The following CENPP variants were observed in gnomAD, a reference collection of about 807,000 sequenced individuals.
CENPP encodes centromere protein P.
CENPP carries 24 observed loss-of-function variants against 35.6 expected under a neutral mutation model. The ratio of observed to expected loss-of-function variants is 0.67; its 90% CI spans 0.49 to 0.95. The LOEUF (loss-of-function observed/expected upper bound fraction) is 0.95, where lower values mean the gene tolerates loss of function less well. CENPP is among the 40% of genes least tolerant of loss of function. CENPP has a pLI of 0.00. For missense variants in CENPP, 332 were observed against 345.3 expected (o/e 0.96, Z 0.31); for synonymous variants, 120 against 125.5 (o/e 0.96, Z 0.29).
chr9:92,577,070 A>G (rs1159579570), intron 5 of CENPP, among the ~76,000 whole-genome samples: 2 of 152,250 alleles, frequency 1.3e-5, no homozygotes, highest in Admixed American at 1.3e-4. Context: ...TTATTAGGAT[A>G]TGGAACAATA....
At position 92,619,297 on chromosome 9, in the gene CENPP, T is replaced by G. The variant is rs984563389; in HGVS notation, c.*6148T>G. The G allele has an allele frequency of 3.5e-6, 2 of 571,552 alleles. No homozygotes were observed. Among genetic ancestry groups the G allele is most frequent in the African/African-American group, 3.7e-5 (2 of 53,596 alleles). 35.4% of individuals were successfully genotyped at this position (571,552 alleles called of 1,614,324 possible). A position where few individuals can be genotyped will look rare whatever the true frequency, so the allele number is the denominator to read the frequency against. Reference sequence around the variant, plus strand: ...AGTTATTCTCCATAAATCTGTCTTTTGACTGAATTACAAGCTTCTAGAGGG... The same window carrying G: ...AGTTATTCTCCATAAATCTGTCTTTGGACTGAATTACAAGCTTCTAGAGGG... On this transcript the variant is annotated 3_prime_UTR_variant, in exon 8 of 8. Coordinates refer to ENST00000375587, the MANE Select transcript of CENPP (RefSeq NM_001012267.3).
intron 5 of CENPP, among the ~76,000 whole-genome samples, chr9:92,463,668 C>T (rs1329206850): frequency 1.3e-5 from 2 of 152,126 alleles, no homozygotes; most frequent in Admixed American, 1.3e-4. Flanking sequence ...ATGTTATCTT[C>T]CAGCAGATGA....
rs113422587 is a variant in CENPP, at chr9:92,362,623, A to C, written c.467+16836A>C. 4.6e-5 allele frequency among the ~76,000 whole-genome samples: 7 copies of C among 152,304 alleles called. No homozygotes were observed. In the South Asian group the frequency reaches 1.2e-3, roughly 27 times the overall value. On this transcript the variant is annotated intron_variant, in intron 4 of 7. Coordinates refer to ENST00000375587, the MANE Select transcript of CENPP (RefSeq NM_001012267.3). ...ACTAATTTTTTCTCCTTTGGCTCCA[A>C]TATGCAATCTGTGGGGACAGACTTG...
At chr9:92,545,493 G>A (rs1849415150) in intron 5 of CENPP, among the ~76,000 whole-genome samples, 1 of 152,050 alleles carries the variant, frequency 6.6e-6, no homozygotes, top group Admixed American at 6.5e-5. Flanking sequence ...CCGCGGGGCA[G>A]GGCTCCGGAC....
intron 5 of CENPP, among the ~76,000 whole-genome samples, chr9:92,388,922 G>A (rs925835031): frequency 9.2e-5 from 14 of 151,742 alleles, no homozygotes; most frequent in African/African-American, 3.4e-4. Context: ...CATCAGATGA[G>A]CTCTGATGTA....
intron 3 of CENPP, among the ~76,000 whole-genome samples, chr9:92,339,149 C>T (rs1258605195): frequency 1.3e-5 from 2 of 152,186 alleles, no homozygotes; most frequent in African/African-American, 2.4e-5. Context: ...GGCCTCAGCT[C>T]ATCAGATATC....
At chr9:92,564,216 A>G (rs1434604846) in intron 5 of CENPP, among the ~76,000 whole-genome samples, 4 of 151,956 alleles carry the variant, frequency 2.6e-5, no homozygotes, top group African/African-American at 9.7e-5. Context: ...GAGATACCCC[A>G]TCTCTACTAA....
At chr9:92,474,843 A>G in intron 5 of CENPP, 2 of 1,614,024 alleles carry the variant, frequency 1.2e-6, no homozygotes, top group Non-Finnish European at 1.7e-6. Context: ...GAAGGGCTAA[A>G]GAAGGGTTTG....
chr9:92,358,303 C>T (rs763153625), intron 4 of CENPP, among the ~76,000 whole-genome samples: 11 of 151,898 alleles, frequency 7.2e-5, no homozygotes, highest in South Asian at 2.1e-4. Context: ...AGTACAGTGG[C>T]GCAATCTCAG....
At chr9:92,466,363 A>T in intron 5 of CENPP, 1 of 1,591,482 alleles carries the variant, frequency 6.3e-7, no homozygotes, top group Non-Finnish European at 8.6e-7. Flanking sequence ...CTTACCCAAA[A>T]CGTGTAAAGC....
At chr9:92,368,415 A>G (rs1841938518) in intron 4 of CENPP, among the ~76,000 whole-genome samples, 1 of 152,228 alleles carries the variant, frequency 6.6e-6, no homozygotes, top group Non-Finnish European at 1.5e-5. Context: ...CCTGTATTCT[A>G]GCTTCCAATA....
At chr9:92,474,502 C>A in intron 5 of CENPP, 1 of 1,395,328 alleles carries the variant, frequency 7.2e-7, no homozygotes, top group South Asian at 1.6e-5. Flanking sequence ...CACCTAAAAA[C>A]TTAAATGAAA....
At chr9:92,571,905 CTCTTT>C (rs1288255964) in intron 5 of CENPP, among the ~76,000 whole-genome samples, 1 of 129,038 alleles carries the variant, frequency 7.7e-6, no homozygotes, top group Non-Finnish European at 1.6e-5. Context: ...ATTGCAACTC[CTCTTT>C]TTTTTTTTTT....
At chr9:92,501,270 T>C (rs1846655731) in intron 5 of CENPP, among the ~76,000 whole-genome samples, 1 of 152,088 alleles carries the variant, frequency 6.6e-6, no homozygotes, top group Non-Finnish European at 1.5e-5. Context: ...CTCCCAGCTA[T>C]GTGAGTCCAT....
At chr9:92,499,433 G>A (rs898587734) in intron 5 of CENPP, among the ~76,000 whole-genome samples, 3 of 152,248 alleles carry the variant, frequency 2.0e-5, no homozygotes, top group Non-Finnish European at 4.4e-5. Context: ...TCATCATTTT[G>A]TTACCTCTAA....
chr9:92,403,558 G>A, intron 5 of CENPP: 1 of 1,332,882 alleles, frequency 7.5e-7, no homozygotes, highest in Non-Finnish European at 9.6e-7. Context: ...TGCGCAGTAA[G>A]GGCCAGAGAA....
chr9:92,613,800 C>T lies in CENPP; in HGVS notation c.*651C>T, dbSNP rs901617507. ...AATGAGGTCCTTTATGAAAGAAAGA[C>T]CCCCCTGCATAGCCTAAGTGCTATA... is the stretch of plus-strand genomic sequence containing the variant. On this transcript the variant is annotated 3_prime_UTR_variant, in exon 8 of 8. Transcript: ENST00000375587. 6.5e-6 allele frequency: 1 copy of T among 153,702 alleles called. No homozygotes were observed. The highest frequency in any genetic ancestry group is 6.4e-5 in the Admixed American group (1 of 15,646). 9.5% of individuals were successfully genotyped at this position (153,702 alleles called of 1,614,324 possible).
chr9:92,328,815 G>T (rs749659408), intron 1 of CENPP, among the ~76,000 whole-genome samples: 2 of 152,138 alleles, frequency 1.3e-5, no homozygotes, highest in African/African-American at 4.8e-5. Flanking sequence ...CTAAATAACT[G>T]CTATGAATAA....
chr9:92,539,463 G>A (rs1849267238), intron 5 of CENPP, among the ~76,000 whole-genome samples: 1 of 151,384 alleles, frequency 6.6e-6, no homozygotes, highest in Non-Finnish European at 1.5e-5. Flanking sequence ...TCTAGTAAGG[G>A]CTCAGCTTAA....
Sources: gnomAD v4.1 joint callset for allele counts (sites outside exome capture counted in the v4.1 genomes callset) on GRCh38, gnomAD v4.1.1 for gene constraint, MANE v1.5 for transcripts, NCBI Gene and HGNC (gene_info 2026-07-23, HGNC 2026-07-21) for gene names.